ST3GAL3: variants seen among roughly 807,000 people sequenced by gnomAD.
ST3GAL3 encodes the protein CMP-N-acetylneuraminate-beta-1,4-galactoside alpha-2,3-sialyltransferase.
Under a neutral mutation model 50.1 loss-of-function variants are expected in ST3GAL3, and 21 were observed. The ratio of observed to expected loss-of-function variants is 0.42; its 90% CI spans 0.30 to 0.60. ST3GAL3 has a LOEUF of 0.60. Ranked by LOEUF, ST3GAL3 falls within the 20% of genes least tolerant of loss-of-function variation. The pLI, the probability that ST3GAL3 is intolerant of heterozygous loss-of-function variation, is 0.19. For missense variants in ST3GAL3, 353 were observed against 489.4 expected, an observed-to-expected ratio of 0.72 and a Z score of 2.63; for synonymous variants, 183 against 190.0, an observed-to-expected ratio of 0.96 and a Z score of 0.30.
chr1:43,927,817 G>A (rs967264735), intron 11 of ST3GAL3, among the ~76,000 whole-genome samples: 2 of 152,168 alleles, frequency 1.3e-5, no homozygotes, highest in Non-Finnish European at 2.9e-5. Context: ...TGAAGGGGCC[G>A]GAGGGCTTTA....
intron 2 of ST3GAL3, among the ~76,000 whole-genome samples, chr1:43,765,214 G>A (rs3791045): frequency 0.31 from 47,737 of 151,814 alleles, 9,195 homozygotes; most frequent in East Asian, 0.53. Context: ...TTCATCTAGT[G>A]ACTCCCCCAG....
intron 9 of ST3GAL3, among the ~76,000 whole-genome samples, chr1:43,909,402 A>C (rs1212237473): frequency 6.6e-6 from 1 of 152,232 alleles, no homozygotes; most frequent in African/African-American, 2.4e-5. Flanking sequence ...CTCCTTGATA[A>C]AGAAATGAGA....
intron 2 of ST3GAL3, among the ~76,000 whole-genome samples, chr1:43,750,162 A>G (rs58537432): frequency 0.012 from 1,877 of 152,320 alleles, 41 homozygotes; most frequent in African/African-American, 0.043. Flanking sequence ...CTTCACACCC[A>G]TTAGAATTGC....
intron 5 of ST3GAL3, among the ~76,000 whole-genome samples, chr1:43,861,836 C>G (rs917400523): frequency 1.3e-5 from 2 of 152,180 alleles, no homozygotes; most frequent in Non-Finnish European, 2.9e-5. Flanking sequence ...CGAGACCAGC[C>G]TGGTCAACAT....
chr1:43,804,923 A>G (rs2059703348), intron 3 of ST3GAL3, among the ~76,000 whole-genome samples: 1 of 152,142 alleles, frequency 6.6e-6, no homozygotes, highest in African/African-American at 2.4e-5. Context: ...GTCTCAGGGC[A>G]CTTACTAGGC....
At chr1:43,726,042 A>G (rs1672782459) in intron 1 of ST3GAL3, among the ~76,000 whole-genome samples, 1 of 152,198 alleles carries the variant, frequency 6.6e-6, no homozygotes, top group South Asian at 2.1e-4. Context: ...AAGTGGCTGC[A>G]TAAACTCTCA....
chr1:43,908,740 T>C (rs546162892), intron 9 of ST3GAL3, among the ~76,000 whole-genome samples: 424 of 151,960 alleles, frequency 2.8e-3, no homozygotes, highest in Non-Finnish European at 4.7e-3. Context: ...CAAGTGATTC[T>C]CCTGCCTCCG....
At chr1:43,838,071 C>A in intron 4 of ST3GAL3, 148 bp from the exon 5 acceptor site, 3 of 555,784 alleles carry the variant, frequency 5.4e-6, no homozygotes, top group South Asian at 3.3e-5. Context: ...GCCGAGATTG[C>A]GCCACTGCAC....
In ST3GAL3 at chr1:43,920,570, G is replaced by A; in HGVS notation, c.891+20G>A. 6.2e-7 allele frequency: 1 copy of A among 1,613,034 alleles called. No individual in the cohort carries two copies. Among genetic ancestry groups the A allele is most frequent in the Non-Finnish European group, 8.5e-7 (1 of 1,179,030 alleles). On this transcript the variant is annotated intron_variant, in intron 10 of 11. Transcript: ENST00000347631. ...CGGGGGGTGAGATATCTGGGCCCTG[G>A]GAGAGGGAGGAGGAAAGCTGGGTCA...
chr1:43,922,871 G>A (rs1571575653), intron 11 of ST3GAL3, among the ~76,000 whole-genome samples: 1 of 151,740 alleles, frequency 6.6e-6, no homozygotes, highest in East Asian at 1.9e-4. Flanking sequence ...GGAGGCCGAG[G>A]TGGGTGGATC....
intron 4 of ST3GAL3, among the ~76,000 whole-genome samples, chr1:43,825,334 G>A (rs929179888): frequency 6.6e-5 from 10 of 151,944 alleles, no homozygotes; most frequent in South Asian, 2.1e-4. Context: ...TAATTTTTTC[G>A]AACTTTCATT....
chr1:43,850,832 G>C, intron 5 of ST3GAL3: 1 of 1,136,724 alleles, frequency 8.8e-7, no homozygotes, highest in Non-Finnish European at 1.3e-6. Flanking sequence ...CAATGGTGTG[G>C]TTGTGGGGAC....
At chr1:43,747,051 C>A (rs184660929) in intron 2 of ST3GAL3, among the ~76,000 whole-genome samples, 1 of 151,422 alleles carries the variant, frequency 6.6e-6, no homozygotes, top group African/African-American at 2.4e-5. Flanking sequence ...CAGGCGTGAG[C>A]CACTGCGCCT....
At chr1:43,792,985 G>T (rs1337150921) in intron 3 of ST3GAL3, among the ~76,000 whole-genome samples, 1 of 152,170 alleles carries the variant, frequency 6.6e-6, no homozygotes, top group African/African-American at 2.4e-5. Context: ...GAGACTGCTG[G>T]CCTGTTGAGG....
intron 4 of ST3GAL3, among the ~76,000 whole-genome samples, chr1:43,835,973 G>A (rs1048134493): frequency 2.0e-5 from 3 of 152,214 alleles, no homozygotes; most frequent in East Asian, 1.9e-4. Context: ...CTCCGTGACC[G>A]TGTTGGTGGC....
chr1:43,867,169 C>T (rs187971880), intron 5 of ST3GAL3, among the ~76,000 whole-genome samples: 6 of 152,284 alleles, frequency 3.9e-5, no homozygotes, highest in Admixed American at 3.9e-4. Flanking sequence ...GACTCATTCA[C>T]TATGATGAGA....
chr1:43,838,369 A>G, intron 5 of ST3GAL3, 58 bp downstream of exon 5: 1 of 1,485,588 alleles, frequency 6.7e-7, no homozygotes, highest in Non-Finnish European at 9.4e-7. Flanking sequence ...TCCAAGAGCC[A>G]GAAACTCTGC....
At chr1:43,732,325 A>C (rs745931425) in intron 1 of ST3GAL3, among the ~76,000 whole-genome samples, 1 of 152,160 alleles carries the variant, frequency 6.6e-6, no homozygotes, top group Non-Finnish European at 1.5e-5. Flanking sequence ...CAATGTTGGG[A>C]GGAGTCAGAC....
At chr1:43,806,774 C>T (rs992837893) in intron 3 of ST3GAL3, among the ~76,000 whole-genome samples, 1 of 152,174 alleles carries the variant, frequency 6.6e-6, no homozygotes, top group Non-Finnish European at 1.5e-5. Context: ...ACTGTAGCCT[C>T]GAATTTCCGG....
Sources: gnomAD v4.1 joint callset for allele counts (sites outside exome capture counted in the v4.1 genomes callset) on GRCh38, gnomAD v4.1.1 for gene constraint, MANE v1.5 for transcripts, NCBI Gene and HGNC (gene_info 2026-07-23, HGNC 2026-07-21) for gene names.